Variants in PTPRD observed in about 807,000 individuals in gnomAD.
PTPRD encodes protein tyrosine phosphatase receptor type D, also known as receptor-type tyrosine-protein phosphatase delta.
PTPRD carries 34 observed loss-of-function variants against 214.5 expected under a neutral mutation model. The observed-to-expected ratio is 0.16, with a 90% CI of 0.12 to 0.21. The LOEUF (loss-of-function observed/expected upper bound fraction) is 0.21. Among genes scored for constraint, PTPRD ranks in the 10% least tolerant of loss-of-function variants. The pLI is 1.00. For missense variants in PTPRD, 2,545 were observed against 2,398.7 expected (o/e 1.06, Z -1.27); for synonymous variants, 1,128 against 845.7 (o/e 1.33, Z -5.79).
At position 9,134,319 on chromosome 9, in the gene PTPRD, C is replaced by T. The variant is rs527717447; in HGVS notation, c.-143+48985G>A. Among the ~76,000 whole-genome samples, 99 of 136,748 alleles carry T rather than the reference C, an allele frequency of 7.2e-4. 2 individuals are homozygous for T. In the Middle Eastern group the frequency reaches 0.014, roughly 19 times the overall value. 89.7% of individuals were successfully genotyped at this position (136,748 alleles called of 152,430 possible). ...CGATCTCCTGACCTCATGATCCACC[C>T]GCCTCGGCCTCCCAAAGTGCTGGGA... On this transcript the variant is annotated intron_variant, in intron 10 of 45. Transcript: ENST00000381196.
chr9:9,400,777 C>T (rs990835328), intron 8 of PTPRD, among the ~76,000 whole-genome samples: 12 of 152,016 alleles, frequency 7.9e-5, no homozygotes, highest in African/African-American at 2.9e-4. Flanking sequence ...CAAACCAAAT[C>T]AATTGATTTA....
chr9:8,486,198 G>C lies in PTPRD; in HGVS notation c.2619C>G (p.Phe873Leu), dbSNP rs1239982421. ...KDMEPLTTLE[F>L]SEKEDHFTAT... ...CTGTAAAGTGATCTTCTTTTTCAGA[G>C]AACTCAAGAGTAGTAAGTGGCTCCA... Residue 873 changes from phenylalanine (F) to leucine (L), a missense_variant, in exon 28 of 46, where the codon TTC becomes TTG. Phe to Leu is a conservative substitution (Grantham distance 22). Transcript: ENST00000381196. 1 of 1,614,188 alleles carries C rather than the reference G, an allele frequency of 6.2e-7. No individual in the cohort carries two copies. The highest frequency in any genetic ancestry group is 8.5e-7 in the Non-Finnish European group (1 of 1,180,028).
intron 3 of PTPRD, among the ~76,000 whole-genome samples, chr9:10,232,479 G>T (rs959576225): frequency 6.6e-6 from 1 of 151,944 alleles, no homozygotes; most frequent in Non-Finnish European, 1.5e-5. Context: ...TAAAGGAAGA[G>T]TACAACAAAG....
At chr9:8,858,901 A>G (rs2098030147) in intron 11 of PTPRD, among the ~76,000 whole-genome samples, 1 of 152,096 alleles carries the variant, frequency 6.6e-6, no homozygotes, top group East Asian at 1.9e-4. Flanking sequence ...CCCAGCATCC[A>G]TCCACCAGGC....
chr9:9,486,169 A>AAAAAAAAC, intron 8 of PTPRD, among the ~76,000 whole-genome samples: 1 of 144,652 alleles, frequency 6.9e-6, no homozygotes, highest in Non-Finnish European at 1.5e-5. Context: ...AAAAAAAAAA[A>AAAAAAAAC]AAAAAAAAAA....
rs552413396 is a variant in PTPRD, at chr9:9,748,015, A to G, written c.-325-13444T>C. 4.6e-5 allele frequency among the ~76,000 whole-genome samples: 7 copies of G among 152,272 alleles called. No individual in the cohort carries two copies. The East Asian group carries it at 5.8e-4, about 13-fold the overall frequency. ...GACAGAAGAATTAGATCACGTGGAGATCACAGCTCTTGGAATCCAGAAAAA... is the reference window on the plus strand; with the variant it reads ...GACAGAAGAATTAGATCACGTGGAGGTCACAGCTCTTGGAATCCAGAAAAA... On this transcript the variant is annotated intron_variant, in intron 6 of 45. Transcript: ENST00000381196.
At chr9:9,546,440 T>C (rs920320642) in intron 8 of PTPRD, among the ~76,000 whole-genome samples, 1 of 151,846 alleles carries the variant, frequency 6.6e-6, no homozygotes, top group African/African-American at 2.4e-5. Flanking sequence ...TCTTTATTCA[T>C]GTTCAGTTTT....
chr9:10,190,233 G>A (rs1352560450), intron 3 of PTPRD, among the ~76,000 whole-genome samples: 1 of 151,464 alleles, frequency 6.6e-6, no homozygotes, highest in Non-Finnish European at 1.5e-5. Flanking sequence ...AGGGTGTGGT[G>A]CAGTGGTCCT....
At chr9:9,333,336 G>A (rs928487363) in intron 9 of PTPRD, among the ~76,000 whole-genome samples, 1 of 151,396 alleles carries the variant, frequency 6.6e-6, no homozygotes, top group Non-Finnish European at 1.5e-5. Flanking sequence ...ATGGAGCAAA[G>A]AATGCAAACA....
chr9:8,316,217 C>CAA lies in PTPRD; in HGVS notation c.*1655_*1656dup, dbSNP rs1236710482. The CAA allele has an allele frequency of 4.4e-5, 10 of 229,622 alleles. No individual in the cohort carries two copies. The highest frequency in any genetic ancestry group is 8.6e-5 in the Non-Finnish European group (10 of 115,696). 14.2% of individuals were successfully genotyped at this position (229,622 alleles called of 1,614,324 possible). A position where few individuals can be genotyped will look rare whatever the true frequency, so the allele number is the denominator to read the frequency against. ...CTGAAAACTAGGAATGCATATTATT[C>CAA]AAAGAGTTTTTGTACATGTGGTAAA... On this transcript the variant is annotated 3_prime_UTR_variant, in exon 46 of 46. Transcript: ENST00000381196.
chr9:8,375,178 C>G (rs1055547109), intron 39 of PTPRD, among the ~76,000 whole-genome samples: 5 of 151,860 alleles, frequency 3.3e-5, no homozygotes, highest in African/African-American at 1.2e-4. Context: ...GACCAGATAG[C>G]TTGAGTAGTC....
intron 8 of PTPRD, among the ~76,000 whole-genome samples, chr9:9,457,885 T>G (rs150790823): frequency 0.017 from 2,532 of 152,168 alleles, 57 homozygotes; most frequent in African/African-American, 0.057. Flanking sequence ...CACTATAAAT[T>G]ATATCCCTAC....
intron 7 of PTPRD, among the ~76,000 whole-genome samples, chr9:9,599,268 TGCTCGTTAGGAATA>T (rs1200982074): frequency 6.6e-6 from 1 of 152,072 alleles, no homozygotes; most frequent in Admixed American, 6.6e-5. Flanking sequence ...ACTCTTCCGA[TGCTCGTTAGGAATA>T]TAGGGAGACT....
intron 8 of PTPRD, among the ~76,000 whole-genome samples, chr9:9,486,690 G>T (rs189083986): frequency 1.3e-5 from 2 of 152,106 alleles, no homozygotes; most frequent in Admixed American, 1.3e-4. Flanking sequence ...CTTAAATAAC[G>T]TACAATCTTC....
At chr9:9,521,429 GA>G (rs982578429) in intron 8 of PTPRD, among the ~76,000 whole-genome samples, 1 of 151,992 alleles carries the variant, frequency 6.6e-6, no homozygotes, top group African/African-American at 2.4e-5. Flanking sequence ...AAGACAAAGG[GA>G]AAAAAACCTG....
chr9:9,814,863 G>A (rs183026030), intron 5 of PTPRD, among the ~76,000 whole-genome samples: 27 of 139,492 alleles, frequency 1.9e-4, no homozygotes, highest in African/African-American at 6.8e-4. Context: ...ACAGTGGCAC[G>A]ATCACGGTTC....
intron 3 of PTPRD, among the ~76,000 whole-genome samples, chr9:10,262,707 T>C (rs529099665): frequency 5.9e-4 from 90 of 152,312 alleles, no homozygotes; most frequent in Non-Finnish European, 1.0e-3. Flanking sequence ...TTATTTTTCT[T>C]ATTGGTAAAA....
At chr9:9,775,068 A>T (rs2098786056) in intron 5 of PTPRD, among the ~76,000 whole-genome samples, 1 of 152,198 alleles carries the variant, frequency 6.6e-6, no homozygotes, top group Non-Finnish European at 1.5e-5. Flanking sequence ...CTGAGAGCTA[A>T]ACTTGAGCAC....
At chr9:10,288,809 C>CT (rs5896382) in intron 3 of PTPRD, among the ~76,000 whole-genome samples, 1 of 151,670 alleles carries the variant, frequency 6.6e-6, no homozygotes, top group African/African-American at 2.4e-5. Context: ...AAATTAAAAA[C>CT]TTTTTTTCTG....
Sources: allele counts gnomAD v4.1 joint callset (sites outside exome capture counted in the v4.1 genomes callset), GRCh38; gene constraint gnomAD v4.1.1; transcripts MANE v1.5; gene names NCBI Gene and HGNC (gene_info 2026-07-23, HGNC 2026-07-21).